The following CFAP77 variants were observed in gnomAD, a reference collection of about 807,000 sequenced individuals.
CFAP77 encodes cilia and flagella associated protein 77.
A neutral mutation model predicts 31.1 loss-of-function variants in CFAP77; 25 were observed. The ratio of observed to expected loss-of-function variants is 0.80; its 90% confidence interval spans 0.59 to 1.12. The LOEUF is 1.12. Ranked by LOEUF, CFAP77 falls within the 50% of genes most tolerant of loss-of-function variation. The pLI is 0.00. For synonymous variants in CFAP77, 151 were observed against 159.9 expected (o/e 0.94, Z 0.42); for missense variants, 377 against 397.3 (o/e 0.95, Z 0.44).
intron 3 of CFAP77, among the ~76,000 whole-genome samples, chr9:132,509,836 C>A (rs1298636720): frequency 6.6e-6 from 1 of 152,158 alleles, no homozygotes; most frequent in East Asian, 1.9e-4. Flanking sequence ...CAGCCTGGGG[C>A]CCCCATCTTT....
intron 3 of CFAP77, among the ~76,000 whole-genome samples, chr9:132,525,962 TAGC>T (rs1852352759): frequency 6.6e-6 from 1 of 152,250 alleles, no homozygotes; most frequent in Non-Finnish European, 1.5e-5. Context: ...TTCTGATCTA[TAGC>T]TTGTCTTTTC....
At chr9:132,550,997 G>A (rs762993140) in intron 5 of CFAP77, among the ~76,000 whole-genome samples, 16 of 152,152 alleles carry the variant, frequency 1.1e-4, no homozygotes, top group Admixed American at 2.6e-4. Context: ...AGTGCATGGC[G>A]TCAGTGAACA....
chr9:132,503,551 G>A (rs1851888597), intron 3 of CFAP77, among the ~76,000 whole-genome samples: 1 of 152,148 alleles, frequency 6.6e-6, no homozygotes, highest in Admixed American at 6.5e-5. Context: ...ACAGCACTCT[G>A]TGATTCTCAG....
At chr9:132,459,263 G>A (rs1011298094) in intron 1 of CFAP77, among the ~76,000 whole-genome samples, 2 of 152,022 alleles carry the variant, frequency 1.3e-5, no homozygotes, top group Non-Finnish European at 2.9e-5. Context: ...AGTAGAGACG[G>A]GGTTTCACCG....
chr9:132,543,970 G>A (rs1481706992), intron 5 of CFAP77, among the ~76,000 whole-genome samples: 1 of 152,204 alleles, frequency 6.6e-6, no homozygotes, highest in African/African-American at 2.4e-5. Flanking sequence ...CTCAGGCAGA[G>A]GGAGCCTTTC....
At position 132,513,207 on chromosome 9, in the gene CFAP77, C is replaced by G. The variant is rs567040374; in HGVS notation, c.524+13607C>G. On this transcript the variant is annotated intron_variant, in intron 3 of 5. Transcript: ENST00000393216. ...ATGTGCAATTAAGTTATTATTGACTCTAGTCAAGGGAGCAAAACATTTTAA... is the reference window on the plus strand; with the variant it reads ...ATGTGCAATTAAGTTATTATTGACTGTAGTCAAGGGAGCAAAACATTTTAA... 7.3e-5 allele frequency: 110 copies of G among 1,499,876 alleles called. 1 individual carries two copies. The East Asian group carries it at 2.5e-3, about 35-fold the overall frequency. 92.9% of individuals were successfully genotyped at this position (1,499,876 alleles called of 1,614,324 possible). A position where few individuals can be genotyped will look rare whatever the true frequency, so the allele number is the denominator to read the frequency against.
intron 3 of CFAP77, chr9:132,513,208 T>C: frequency 6.7e-7 from 1 of 1,502,504 alleles, no homozygotes; most frequent in South Asian, 1.3e-5. Flanking sequence ...TTATTGACTC[T>C]AGTCAAGGGA....
intron 1 of CFAP77, among the ~76,000 whole-genome samples, chr9:132,494,378 A>G (rs537297352): frequency 1.3e-5 from 2 of 152,290 alleles, no homozygotes; most frequent in South Asian, 2.1e-4. Context: ...GACCAAAAAT[A>G]TGTCCAGACA....
intron 1 of CFAP77, among the ~76,000 whole-genome samples, chr9:132,442,170 C>A (rs990553153): frequency 6.6e-6 from 1 of 152,142 alleles, no homozygotes; most frequent in African/African-American, 2.4e-5. Context: ...CAAGGAATTG[C>A]AGTGGGGATG....
At chr9:132,485,374 T>C (rs766706868) in intron 1 of CFAP77, among the ~76,000 whole-genome samples, 1 of 152,210 alleles carries the variant, frequency 6.6e-6, no homozygotes, top group Non-Finnish European at 1.5e-5. Flanking sequence ...GCATTATAAC[T>C]TGCCCAAGGT....
At chr9:132,559,452 C>T (rs771313094) in intron 5 of CFAP77, among the ~76,000 whole-genome samples, 5 of 150,954 alleles carry the variant, frequency 3.3e-5, no homozygotes, top group African/African-American at 7.3e-5. Flanking sequence ...TGAGCCATCA[C>T]GGAAACACAA....
chr9:132,460,104 G>C (rs1043901963), intron 1 of CFAP77, among the ~76,000 whole-genome samples: 3 of 152,148 alleles, frequency 2.0e-5, no homozygotes, highest in African/African-American at 7.2e-5. Flanking sequence ...GGAGTGAATG[G>C]AAGAGTGTTT....
rs1303839296 is a variant in CFAP77, at chr9:132,498,197, A to G, written c.196-498A>G. Among the ~76,000 whole-genome samples, 2 of 152,080 alleles carry G rather than the reference A, an allele frequency of 1.3e-5. No homozygotes were observed. The highest frequency in any genetic ancestry group is 2.4e-5 in the African/African-American group (1 of 41,390). On this transcript the variant is annotated intron_variant, in intron 1 of 5. Coordinates refer to ENST00000393216, the MANE Select transcript of CFAP77 (RefSeq NM_001282957.2). This position sits in a 1 kb window ranked among gnomAD's most constrained non-coding sequence, Gnocchi z 4.2. Reference sequence around the variant, plus strand: ...CCTGTCACTGTGTCTTCCCCAGGTGAGGATTCGAGGAAGTGACTCCCTCAT... The same window carrying G: ...CCTGTCACTGTGTCTTCCCCAGGTGGGGATTCGAGGAAGTGACTCCCTCAT...
At chr9:132,506,886 G>A (rs960707033) in intron 3 of CFAP77, among the ~76,000 whole-genome samples, 9 of 152,258 alleles carry the variant, frequency 5.9e-5, no homozygotes, top group Non-Finnish European at 8.8e-5. Flanking sequence ...GAGGATTAGT[G>A]TGGCCTGAAT....
chr9:132,486,537 C>A (rs1237734454), intron 1 of CFAP77, among the ~76,000 whole-genome samples: 1 of 152,118 alleles, frequency 6.6e-6, no homozygotes, highest in African/African-American at 2.4e-5. Context: ...TCAGATGATA[C>A]CTAGCTAGTT....
At chr9:132,542,229 A>C (rs1044535447) in intron 4 of CFAP77, among the ~76,000 whole-genome samples, 12 of 152,180 alleles carry the variant, frequency 7.9e-5, no homozygotes, top group Non-Finnish European at 1.6e-4. Flanking sequence ...ACGACTCCCA[A>C]ACCAGGGCCT....
At chr9:132,447,286 A>T (rs1021511422) in intron 1 of CFAP77, among the ~76,000 whole-genome samples, 1 of 152,242 alleles carries the variant, frequency 6.6e-6, no homozygotes, top group African/African-American at 2.4e-5. Flanking sequence ...TCCATCTGTC[A>T]GTTAGAACCT....
At chr9:132,418,833 G>GTTTGA (rs1376331351) in intron 1 of CFAP77, among the ~76,000 whole-genome samples, 1 of 152,190 alleles carries the variant, frequency 6.6e-6, no homozygotes, top group Non-Finnish European at 1.5e-5. Flanking sequence ...GTTTGGTTTG[G>GTTTGA]TTTTGTTTTC....
intron 1 of CFAP77, among the ~76,000 whole-genome samples, chr9:132,423,440 C>T (rs1350399412): frequency 6.6e-6 from 1 of 152,244 alleles, no homozygotes; most frequent in African/African-American, 2.4e-5. Flanking sequence ...AATGTGCTCA[C>T]TGTGTGCCGG....
Sources: allele counts gnomAD v4.1 joint callset (sites outside exome capture counted in the v4.1 genomes callset), GRCh38; gene constraint gnomAD v4.1.1; non-coding constraint Gnocchi (gnomAD v3.1); transcripts MANE v1.5; gene names NCBI Gene and HGNC (gene_info 2026-07-23, HGNC 2026-07-21).